The following GPR39 variants were observed in gnomAD, a reference collection of about 807,000 sequenced individuals.
GPR39 encodes the protein G protein-coupled receptor 39.
In GPR39, 23 loss-of-function variants were observed where a neutral mutation model predicts 18.4. The observed-to-expected ratio is 1.25, with a 90% confidence interval of 0.90 to 1.77. The LOEUF is 1.77. GPR39 is among the 40% of genes most tolerant of loss of function. The probability of loss-of-function intolerance (pLI) is 0.00; values close to 1 mark genes in which losing one functional copy is unlikely to be tolerated. For missense variants in GPR39, 647 were observed against 602.4 expected, an observed-to-expected ratio of 1.07 and a Z score of -0.78; for synonymous variants, 280 against 257.9, an observed-to-expected ratio of 1.09 and a Z score of -0.82.
In GPR39 at chr2:132,463,357, C is replaced by A. The variant is rs12104815; in HGVS notation, c.856+45459C>A. 4.1e-3 allele frequency among the ~76,000 whole-genome samples: 606 copies of A among 149,184 alleles called. 5 individuals carry two copies. Among genetic ancestry groups the A allele is most frequent in the African/African-American group, 0.014 (548 of 38,948 alleles). ...GTGGTGTGAGGTCTTTGGAGGGCAA[C>A]AACCTCTGTTCTCTTGCTTGGTGAA... On this transcript the variant is annotated intron_variant, in intron 1 of 1. Coordinates refer to ENST00000329321, the MANE Select transcript of GPR39 (RefSeq NM_001508.3).
rs1401132047 is a variant in GPR39 at position 132,570,573 on chromosome 2, A to AGGTTTC, written c.857-74527_857-74522dup. Among the ~76,000 whole-genome samples the AGGTTTC allele has an allele frequency of 3.9e-5, 6 of 152,286 alleles. No homozygotes were observed. The East Asian group carries it at 1.2e-3, about 29-fold the overall frequency. ...TTTTTCATCTATTTGTTAAAATGTC[A>AGGTTTC]GGTTTCTCCTATCTTAAAAACAAGA... On this transcript the variant is annotated intron_variant, in intron 1 of 1. Coordinates refer to ENST00000329321, the MANE Select transcript of GPR39 (RefSeq NM_001508.3).
intron 1 of GPR39, among the ~76,000 whole-genome samples, chr2:132,592,973 C>A (rs1680872728): frequency 6.6e-6 from 1 of 152,174 alleles, no homozygotes; most frequent in African/African-American, 2.4e-5. Flanking sequence ...GGTTTGATGA[C>A]CACGACCACC....
At chr2:132,643,818 C>A (rs1302241151) in intron 1 of GPR39, among the ~76,000 whole-genome samples, 1 of 152,146 alleles carries the variant, frequency 6.6e-6, no homozygotes, top group East Asian at 1.9e-4. Context: ...CCATGTCTGG[C>A]CCCCATTTAT....
At chr2:132,482,444 T>G (rs1186620003) in intron 1 of GPR39, among the ~76,000 whole-genome samples, 1 of 152,170 alleles carries the variant, frequency 6.6e-6, no homozygotes, top group South Asian at 2.1e-4. Context: ...GAGTGAGAGA[T>G]AGTAAAAGGC....
intron 1 of GPR39, among the ~76,000 whole-genome samples, chr2:132,462,368 T>C (rs576580164): frequency 1.3e-5 from 2 of 152,296 alleles, no homozygotes; most frequent in East Asian, 3.9e-4. Flanking sequence ...GGCACAGAAC[T>C]GAAACCTACT....
intron 1 of GPR39, among the ~76,000 whole-genome samples, chr2:132,462,162 C>A: frequency 6.6e-6 from 1 of 152,162 alleles, no homozygotes; most frequent in East Asian, 1.9e-4. Context: ...AGATGTACAG[C>A]AGTTTATTAA....
chr2:132,596,266 T>C (rs1488881301), intron 1 of GPR39, among the ~76,000 whole-genome samples: 1 of 152,168 alleles, frequency 6.6e-6, no homozygotes, highest in Non-Finnish European at 1.5e-5. Context: ...TAGTTTTTGC[T>C]CTGAAAATTC....
At chr2:132,488,869 A>G in intron 1 of GPR39, 1 of 163,680 alleles carries the variant, frequency 6.1e-6, no homozygotes, top group East Asian at 1.4e-4. Flanking sequence ...TTCTCCCTGC[A>G]AGGGAGGGTG....
At chr2:132,639,618 G>A (rs906990573) in intron 1 of GPR39, among the ~76,000 whole-genome samples, 1 of 152,198 alleles carries the variant, frequency 6.6e-6, no homozygotes, top group Non-Finnish European at 1.5e-5. Flanking sequence ...ATGGACGGAT[G>A]AATGGGTAGA....
intron 1 of GPR39, among the ~76,000 whole-genome samples, chr2:132,422,472 A>G (rs1409191167): frequency 6.7e-6 from 1 of 150,266 alleles, no homozygotes. Context: ...GCCCATAAGA[A>G]TTTTTAGTAG....
chr2:132,443,145 A>G (rs1028219556), intron 1 of GPR39, among the ~76,000 whole-genome samples: 1 of 152,240 alleles, frequency 6.6e-6, no homozygotes, highest in African/African-American at 2.4e-5. Flanking sequence ...ATTGAATACA[A>G]TCACATTTTA....
rs116791969 is a variant in GPR39, at chr2:132,638,842, C to T, written c.857-6259C>T. ...TACTACATGCAAGTTAATTTATTGT[C>T]CACAAAGCCTGATGGAGTGCTCTCT... On this transcript the variant is annotated intron_variant, in intron 1 of 1. Coordinates refer to ENST00000329321, the MANE Select transcript of GPR39 (RefSeq NM_001508.3). Among the ~76,000 whole-genome samples, 716 of 152,306 alleles carry T rather than the reference C, an allele frequency of 4.7e-3. 5 individuals are homozygous for T. Among genetic ancestry groups the T allele is most frequent in the African/African-American group, 0.016 (680 of 41,556 alleles).
intron 1 of GPR39, among the ~76,000 whole-genome samples, chr2:132,620,119 A>G (rs1347847108): frequency 2.0e-5 from 3 of 152,166 alleles, no homozygotes; most frequent in African/African-American, 7.2e-5. Context: ...TTCAGAATTC[A>G]GATTCCTGAA....
chr2:132,593,246 G>A (rs1467406646), intron 1 of GPR39, among the ~76,000 whole-genome samples: 1 of 152,092 alleles, frequency 6.6e-6, no homozygotes, highest in Non-Finnish European at 1.5e-5. Context: ...CACTACATAA[G>A]CCTGATTGAT....
In GPR39 at chr2:132,602,220, A is replaced by G. The variant is rs1429612577; in HGVS notation, c.857-42881A>G. Among the ~76,000 whole-genome samples, 4 of 152,154 alleles carry G rather than the reference A, an allele frequency of 2.6e-5. No individual in the cohort carries two copies. In the East Asian group the frequency reaches 7.7e-4, roughly 29 times the overall value. ...ATAGACCAACATAACAAGAGAATCCAGAAATAAATCCATATATTTACAGCC... is the reference window on the plus strand; with the variant it reads ...ATAGACCAACATAACAAGAGAATCCGGAAATAAATCCATATATTTACAGCC... On this transcript the variant is annotated intron_variant, in intron 1 of 1. Transcript: ENST00000329321.
chr2:132,542,515 T>A (rs886635342), intron 1 of GPR39, among the ~76,000 whole-genome samples: 8 of 152,012 alleles, frequency 5.3e-5, no homozygotes, highest in African/African-American at 1.9e-4. Context: ...CTATGAAAAA[T>A]GCAAGGTCAA....
chr2:132,641,814 C>T (rs1441926268), intron 1 of GPR39, among the ~76,000 whole-genome samples: 1 of 152,128 alleles, frequency 6.6e-6, no homozygotes, highest in East Asian at 1.9e-4. Flanking sequence ...ATCCATTTTA[C>T]ATGGTGGAAT....
At chr2:132,505,533 T>A (rs778090614) in intron 1 of GPR39, among the ~76,000 whole-genome samples, 24 of 152,260 alleles carry the variant, frequency 1.6e-4, no homozygotes, top group Non-Finnish European at 2.5e-4. Context: ...TTAACCAACC[T>A]CTTTTATCCC....
chr2:132,448,503 C>A (rs1046811137), intron 1 of GPR39, among the ~76,000 whole-genome samples: 1 of 152,170 alleles, frequency 6.6e-6, no homozygotes, highest in South Asian at 2.1e-4. Flanking sequence ...TGGGTGCTGA[C>A]CCCTGGGATT....
Sources: allele counts gnomAD v4.1 joint callset (sites outside exome capture counted in the v4.1 genomes callset), GRCh38; gene constraint gnomAD v4.1.1; transcripts MANE v1.5; gene names NCBI Gene and HGNC (gene_info 2026-07-23, HGNC 2026-07-21).